Variants in PLSCR2 observed in about 807,000 individuals in gnomAD.
The protein encoded by PLSCR2 is phospholipid scramblase 2, also known as PL scramblase 2.
Under a neutral mutation model 25.3 loss-of-function variants are expected in PLSCR2, and 18 were observed. The ratio of observed to expected loss-of-function variants is 0.71; its 90% CI spans 0.49 to 1.06. The LOEUF (loss-of-function observed/expected upper bound fraction) is 1.06, where lower values mean the gene tolerates loss of function less well. PLSCR2 is among the 50% of genes least tolerant of loss of function. The pLI, the probability that PLSCR2 is intolerant of heterozygous loss-of-function variation, is 0.00. For missense variants in PLSCR2, 243 were observed against 269.5 expected (o/e 0.90, Z 0.69); for synonymous variants, 88 against 87.3 (o/e 1.01, Z -0.04).
At chr3:146,477,244 G>A (rs913019062) in intron 1 of PLSCR2, among the ~76,000 whole-genome samples, 5 of 152,198 alleles carry the variant, frequency 3.3e-5, no homozygotes, top group Admixed American at 2.6e-4. Flanking sequence ...TGGACAATGG[G>A]TGCAGCCCAC....
chr3:146,462,446 TTCTTTTTC>T (rs1405715129), upstream of PLSCR2, among the ~76,000 whole-genome samples: 1 of 143,996 alleles, frequency 6.9e-6, no homozygotes, highest in Non-Finnish European at 1.5e-5. Context: ...ACTTTCTTTT[TTCTTTTTC>T]TTTTCTTTTC....
At chr3:146,431,802 T>C (rs1458200918), downstream of PLSCR2, among the ~76,000 whole-genome samples, 2 of 151,280 alleles carry the variant, frequency 1.3e-5, no homozygotes, top group African/African-American at 4.9e-5. Context: ...AGCTATGAAC[T>C]GCGTAAACAC....
At chr3:146,466,009 G>A (rs901999605) in intron 1 of PLSCR2, among the ~76,000 whole-genome samples, 2 of 152,170 alleles carry the variant, frequency 1.3e-5, no homozygotes, top group African/African-American at 2.4e-5. Context: ...ATATCTGTGA[G>A]GTATGAGATT....
intron 8 of PLSCR2, among the ~76,000 whole-genome samples, chr3:146,435,750 T>G (rs1228198415): frequency 6.6e-6 from 1 of 152,222 alleles, no homozygotes; most frequent in African/African-American, 2.4e-5. Flanking sequence ...GTAGTTTCTT[T>G]TGCTGTGCAG....
At chr3:146,412,060 C>G (rs1475881459) in intron 2 of PLSCR2, among the ~76,000 whole-genome samples, 1 of 151,732 alleles carries the variant, frequency 6.6e-6, no homozygotes, top group Non-Finnish European at 1.5e-5. Flanking sequence ...GCTCTCTTAG[C>G]TAAGGGAGAG....
downstream of PLSCR2, among the ~76,000 whole-genome samples, chr3:146,431,864 T>TA (rs34188112): frequency 0.46 from 66,551 of 143,866 alleles, 16,180 homozygotes; most frequent in South Asian, 0.69. Context: ...CATCAAGCAT[T>TA]AAAAAAAAAA....
At chr3:146,473,303 C>CTTTTT (rs35755415) in intron 1 of PLSCR2, among the ~76,000 whole-genome samples, 11 of 121,326 alleles carry the variant, frequency 9.1e-5, no homozygotes, top group African/African-American at 2.6e-4. Flanking sequence ...AAAGTACTAT[C>CTTTTT]TTTTTTTTTT....
rs192456152 is a variant in PLSCR2 at position 146,447,424 on chromosome 3, C to T, written c.645+1782G>A. ...TTAGTCAGCAGGTGATAAATCCTAGCAGGACTGGGTCCTTCTCTTCAAGGC... is the reference window on the plus strand; with the variant it reads ...TTAGTCAGCAGGTGATAAATCCTAGTAGGACTGGGTCCTTCTCTTCAAGGC... On this transcript the variant is annotated intron_variant, in intron 6 of 6. Transcript: ENST00000610787. 3.2e-3 allele frequency among the ~76,000 whole-genome samples: 481 copies of T among 152,288 alleles called. 1 individual carries two copies. Among genetic ancestry groups the T allele is most frequent in the Non-Finnish European group, 5.5e-3 (374 of 68,026 alleles).
intron 6 of PLSCR2, among the ~76,000 whole-genome samples, chr3:146,444,385 A>C (rs543749084): frequency 1.3e-5 from 2 of 149,646 alleles, no homozygotes; most frequent in Non-Finnish European, 3.0e-5. Flanking sequence ...CTGTTATTGT[A>C]TTGGGGTCTA....
chr3:146,461,518 T>C (rs929852830), upstream of PLSCR2, among the ~76,000 whole-genome samples: 5 of 152,104 alleles, frequency 3.3e-5, no homozygotes, highest in African/African-American at 1.2e-4. Context: ...AGACTTCATA[T>C]TGGTATGATG....
Position 146,459,741 on chromosome 3 carries a change from T to A in PLSCR2, c.57+107A>T, listed in dbSNP as rs547028089. 4.0e-6 allele frequency: 3 copies of A among 753,210 alleles called. No individual in the cohort carries two copies. In the African/African-American group the frequency reaches 5.3e-5, roughly 13 times the overall value. 46.7% of individuals were successfully genotyped at this position (753,210 alleles called of 1,614,324 possible). A position where few individuals can be genotyped will look rare whatever the true frequency, so the allele number is the denominator to read the frequency against. On this transcript the variant is annotated intron_variant, in intron 2 of 6. Coordinates refer to ENST00000610787, the Ensembl canonical transcript of PLSCR2. ...TTTACCATTTCTGACTTTAATTAAT[T>A]AATAAGCAGTAAATAAATAAGTATC...
intron 1 of PLSCR2, among the ~76,000 whole-genome samples, chr3:146,477,879 C>A (rs1576723639): frequency 6.6e-6 from 1 of 152,306 alleles, no homozygotes; most frequent in Admixed American, 6.5e-5. Flanking sequence ...TGGGATGAAG[C>A]TTCCAGAGGA....
At chr3:146,452,490 T>C (rs2040960855) in intron 5 of PLSCR2, among the ~76,000 whole-genome samples, 1 of 152,162 alleles carries the variant, frequency 6.6e-6, no homozygotes, top group African/African-American at 2.4e-5. Flanking sequence ...GAGCACTATA[T>C]AATTCAAAAC....
chr3:146,436,314 T>C (rs979852364), intron 8 of PLSCR2, among the ~76,000 whole-genome samples: 1 of 152,058 alleles, frequency 6.6e-6, no homozygotes, highest in African/African-American at 2.4e-5. Context: ...GTGAAGAAAG[T>C]TCATTGGTAG....
intron 3 of PLSCR2, among the ~76,000 whole-genome samples, chr3:146,394,797 G>T (rs879049878): frequency 6.6e-6 from 1 of 152,212 alleles, no homozygotes; most frequent in Admixed American, 6.5e-5. Context: ...TTGAGGCAGG[G>T]TCCTGTAATC....
At chr3:146,481,816 C>T (rs928536543) in intron 1 of PLSCR2, among the ~76,000 whole-genome samples, 7 of 152,168 alleles carry the variant, frequency 4.6e-5, no homozygotes, top group African/African-American at 1.4e-4. Flanking sequence ...ATCACACTAC[C>T]TGACTTCAAA....
intron 6 of PLSCR2, among the ~76,000 whole-genome samples, chr3:146,442,114 T>C (rs2040277738): frequency 6.6e-6 from 1 of 152,110 alleles, no homozygotes; most frequent in African/African-American, 2.4e-5. Context: ...TCATCCTTTT[T>C]CAATCTTTCT....
chr3:146,433,133 G>T (rs948496293), downstream of PLSCR2, among the ~76,000 whole-genome samples: 1 of 151,992 alleles, frequency 6.6e-6, no homozygotes, highest in Admixed American at 6.6e-5. Flanking sequence ...TATGCAATCT[G>T]TTGTTCTGGT....
chr3:146,408,848 C>G (rs538563729), intron 2 of PLSCR2, among the ~76,000 whole-genome samples: 6 of 152,154 alleles, frequency 3.9e-5, no homozygotes, highest in Non-Finnish European at 8.8e-5. Flanking sequence ...TGAAAATCAT[C>G]TAAAGCTCTC....
Sources: gnomAD v4.1 joint callset for allele counts (sites outside exome capture counted in the v4.1 genomes callset) on GRCh38, gnomAD v4.1.1 for gene constraint, MANE v1.5 for transcripts, NCBI Gene and HGNC (gene_info 2026-07-23, HGNC 2026-07-21) for gene names.